The following PELI1 variants were observed in gnomAD, a reference collection of about 807,000 sequenced individuals.
PELI1 encodes the protein pellino E3 ubiquitin protein ligase 1.
In PELI1, 15 loss-of-function variants were observed where a neutral mutation model predicts 41.3. The ratio of observed to expected loss-of-function variants is 0.36; its 90% CI spans 0.24 to 0.56. The LOEUF (loss-of-function observed/expected upper bound fraction) is 0.56, where lower values mean the gene tolerates loss of function less well. Among genes scored for constraint, PELI1 ranks in the 20% least tolerant of loss-of-function variants. The probability of loss-of-function intolerance (pLI) is 0.82; values close to 1 mark genes in which losing one functional copy is unlikely to be tolerated. For missense variants in PELI1, 403 were observed against 525.5 expected, an observed-to-expected ratio of 0.77 and a Z score of 2.28; for synonymous variants, 178 against 180.1, an observed-to-expected ratio of 0.99 and a Z score of 0.09.
intron 1 of PELI1, among the ~76,000 whole-genome samples, chr2:64,136,943 C>T (rs912150588): frequency 1.3e-5 from 2 of 152,124 alleles, no homozygotes; most frequent in Non-Finnish European, 2.9e-5. Context: ...GCTCCCCCAC[C>T]ATTGGACATA....
intron 1 of PELI1, among the ~76,000 whole-genome samples, chr2:64,122,663 A>T (rs1210900027): frequency 6.6e-6 from 1 of 152,114 alleles, no homozygotes; most frequent in African/African-American, 2.4e-5. Flanking sequence ...CCATCCCACA[A>T]TGCAAATTCA....
At chr2:64,118,031 G>C (rs903302463) in intron 1 of PELI1, among the ~76,000 whole-genome samples, 4 of 152,110 alleles carry the variant, frequency 2.6e-5, no homozygotes, top group East Asian at 3.9e-4. Flanking sequence ...GAATGGTCTC[G>C]ATATCCTGAC....
At position 64,104,740 on chromosome 2, in the gene PELI1, G is replaced by A. The variant is rs1404674020; in HGVS notation, c.162C>T (p.Pro54=). Residue 54 remains proline, a synonymous_variant, in exon 3 of 7, where the codon CCC becomes CCT. Transcript: ENST00000358912. ...GAGTACAAGCAATATGCACAGTGCT[G>A]GGCTTCACCCCATTTGCCTTAGGTC... ...FKRPKANGVK[P]STVHIACTPQ... is the part of the protein sequence containing the mutation. 6.2e-7 allele frequency: 1 copy of A among 1,610,278 alleles called. No homozygotes were observed. Among genetic ancestry groups the A allele is most frequent in the Admixed American group, 1.7e-5 (1 of 59,716 alleles).
chr2:64,137,437 A>T (rs534898861), intron 1 of PELI1, among the ~76,000 whole-genome samples: 1 of 152,210 alleles, frequency 6.6e-6, no homozygotes, highest in South Asian at 2.1e-4. Flanking sequence ...ATTTACCTGA[A>T]ATTACTGTTT....
At chr2:64,107,605 C>T (rs1680662596) in intron 2 of PELI1, among the ~76,000 whole-genome samples, 1 of 151,872 alleles carries the variant, frequency 6.6e-6, no homozygotes, top group South Asian at 2.1e-4. Context: ...GTAAAGTCAG[C>T]TGAGGCAAAA....
chr2:64,143,635 T>C (rs537653443), intron 1 of PELI1: 15 of 152,166 alleles, frequency 9.9e-5, no homozygotes, highest in African/African-American at 3.6e-4. Context: ...ATCATAACAA[T>C]AAAAAGAATG....
chr2:64,133,172 T>A (rs2103738932), intron 1 of PELI1, among the ~76,000 whole-genome samples: 1 of 152,278 alleles, frequency 6.6e-6, no homozygotes, highest in East Asian at 1.9e-4. Flanking sequence ...AACATTGTTA[T>A]TTGTTACCAT....
intron 1 of PELI1, among the ~76,000 whole-genome samples, chr2:64,134,738 T>A (rs925052553): frequency 3.3e-5 from 5 of 152,162 alleles, no homozygotes; most frequent in Non-Finnish European, 7.4e-5. Context: ...TGCAGTTCAT[T>A]AAATCTGAAA....
At chr2:64,135,539 G>C (rs190580650) in intron 1 of PELI1, among the ~76,000 whole-genome samples, 1 of 152,250 alleles carries the variant, frequency 6.6e-6, no homozygotes, top group Non-Finnish European at 1.5e-5. Context: ...AAACGCTGTT[G>C]AAGAGCAATA....
rs36107593 is a variant in PELI1, at chr2:64,144,163, G to C, written c.-152C>G. ...GTGAAGTGTTGTGCGCGGGGAGCGC[G>C]AGCAGACAGCCCGCCGTTCCGCCGC... On this transcript the variant is annotated 5_prime_UTR_variant, in exon 1 of 7. Transcript: ENST00000358912. 0.078 allele frequency: 11,850 copies of C among 152,232 alleles called. 572 individuals carry two copies. Among genetic ancestry groups the C allele is most frequent in the Non-Finnish European group, 0.1 (6,822 of 68,008 alleles). The allele number at this position is 152,232 out of a possible 1,614,324, so 9.4% of individuals were successfully genotyped here.
intron 3 of PELI1, among the ~76,000 whole-genome samples, chr2:64,102,169 G>T (rs756036781): frequency 6.6e-6 from 1 of 151,960 alleles, no homozygotes; most frequent in African/African-American, 2.4e-5. Flanking sequence ...TACAATTGAG[G>T]CTGCCTACAT....
chr2:64,109,169 C>T (rs912992388), intron 1 of PELI1, among the ~76,000 whole-genome samples: 1 of 152,136 alleles, frequency 6.6e-6, no homozygotes, highest in African/African-American at 2.4e-5. Context: ...CAAGAAGGAT[C>T]CTCTTCCTGA....
chr2:64,128,061 C>G (rs960152425), intron 1 of PELI1, among the ~76,000 whole-genome samples: 1 of 152,232 alleles, frequency 6.6e-6, no homozygotes, highest in South Asian at 2.1e-4. Flanking sequence ...AAAAAAATAT[C>G]AACCAGTTTT....
intron 1 of PELI1, among the ~76,000 whole-genome samples, chr2:64,126,319 A>G (rs1576096060): frequency 6.6e-6 from 1 of 152,036 alleles, no homozygotes; most frequent in African/African-American, 2.4e-5. Context: ...ACACACCACC[A>G]TGTCCAGCTA....
intron 1 of PELI1, among the ~76,000 whole-genome samples, chr2:64,115,966 G>A (rs183254877): frequency 2.0e-5 from 3 of 152,204 alleles, no homozygotes; most frequent in East Asian, 1.9e-4. Context: ...AGTGACCAAC[G>A]ACAAATATTT....
At chr2:64,140,787 C>CAAAAAAAACA (rs1681877781) in intron 1 of PELI1, among the ~76,000 whole-genome samples, 1 of 46,356 alleles carries the variant, frequency 2.2e-5, no homozygotes, top group Non-Finnish European at 3.5e-5. Flanking sequence ...AGACAACATG[C>CAAAAAAAACA]AAAAAAAAAA....
chr2:64,137,496 T>G (rs762100841), intron 1 of PELI1, among the ~76,000 whole-genome samples: 1 of 152,150 alleles, frequency 6.6e-6, no homozygotes, highest in Non-Finnish European at 1.5e-5. Flanking sequence ...TGTGTGTGTG[T>G]GTGCGCATTT....
At chr2:64,131,264 A>T (rs1405543739) in intron 1 of PELI1, among the ~76,000 whole-genome samples, 1 of 152,042 alleles carries the variant, frequency 6.6e-6, no homozygotes, top group African/African-American at 2.4e-5. Flanking sequence ...ATTTTGATAT[A>T]TTCTTAAAGC....
chr2:64,118,363 A>C (rs1025994778), intron 1 of PELI1, among the ~76,000 whole-genome samples: 3 of 152,206 alleles, frequency 2.0e-5, no homozygotes, highest in African/African-American at 7.2e-5. Flanking sequence ...CCTACACAAG[A>C]GAATGAATAC....
Sources: allele counts gnomAD v4.1 joint callset (sites outside exome capture counted in the v4.1 genomes callset), GRCh38; gene constraint gnomAD v4.1.1; transcripts MANE v1.5; gene names NCBI Gene and HGNC (gene_info 2026-07-23, HGNC 2026-07-21).